The following AHNAK variants were observed in gnomAD, a reference collection of about 807,000 sequenced individuals.
AHNAK encodes the protein neuroblast differentiation-associated protein AHNAK.
AHNAK carries 23 observed loss-of-function variants against 37.8 expected under a neutral mutation model. That is an observed-to-expected ratio of 0.61 (90% CI 0.44 to 0.86). The LOEUF (loss-of-function observed/expected upper bound fraction) is 0.86. AHNAK is among the 40% of genes least tolerant of loss of function. The pLI is 0.00. For missense variants in AHNAK, 7,411 were observed against 7,319.4 expected (o/e 1.01, Z -0.46); for synonymous variants, 2,481 against 2,636.3 (o/e 0.94, Z 1.80).
chr11:62,487,810 C>T (rs1002171919), intron 5 of AHNAK, among the ~76,000 whole-genome samples: 13 of 152,148 alleles, frequency 8.5e-5, no homozygotes, highest in Non-Finnish European at 1.0e-4. Flanking sequence ...AGCAGTACCC[C>T]CTTGAGAAGT....
At chr11:62,481,034 A>G (rs1170458451) in intron 5 of AHNAK, among the ~76,000 whole-genome samples, 1 of 151,394 alleles carries the variant, frequency 6.6e-6, no homozygotes, top group Non-Finnish European at 1.5e-5. Context: ...ATCCCTCTCC[A>G]GGAGATGACT....
chr11:62,504,625 C>T (rs1175725912), intron 4 of AHNAK, among the ~76,000 whole-genome samples: 1 of 152,014 alleles, frequency 6.6e-6, no homozygotes, highest in East Asian at 1.9e-4. Flanking sequence ...GGCAGCCACG[C>T]GCCCTTGAGG....
intron 4 of AHNAK, among the ~76,000 whole-genome samples, chr11:62,534,466 C>T (rs1024625635): frequency 6.6e-6 from 1 of 152,216 alleles, no homozygotes; most frequent in Non-Finnish European, 1.5e-5. Flanking sequence ...GGGGAATCTT[C>T]TCAGAGGCCC....
chr11:62,462,937 C>A (rs1938822513), intron 5 of AHNAK, among the ~76,000 whole-genome samples: 1 of 151,998 alleles, frequency 6.6e-6, no homozygotes, highest in South Asian at 2.1e-4. Context: ...TTGAGACCAG[C>A]CTGGTCAACA....
chr11:62,473,021 G>T (rs1022554528), intron 5 of AHNAK, among the ~76,000 whole-genome samples: 1 of 136,272 alleles, frequency 7.3e-6, no homozygotes. Flanking sequence ...GGAGGCAGAG[G>T]TTGCAGTGAG....
chr11:62,532,345 C>G lies in AHNAK; in HGVS notation c.2072G>C (p.Ser691Thr), dbSNP rs1473040779. ...KGPDVKLPDMSVKTPKISMPD... is the reference protein window; with the variant it reads ...KGPDVKLPDMTVKTPKISMPD... ...CATGGAGATCTTTGGTGTCTTGACA[C>G]TCATATCAGGCAGCTTAACATCGGG... is the stretch of plus-strand genomic sequence containing the variant. Residue 691 changes from serine to threonine, a missense_variant, in exon 5 of 5, where the codon AGT (serine) becomes ACT (threonine). Ser to Thr is a moderately conservative substitution (Grantham distance 58). Coordinates refer to ENST00000378024, the MANE Select transcript of AHNAK (RefSeq NM_001620.3). 4.3e-6 allele frequency: 7 copies of G among 1,614,066 alleles called. No homozygotes were observed. The highest frequency in any genetic ancestry group is 5.9e-6 in the Non-Finnish European group (7 of 1,180,048).
rs747445686 is a variant in AHNAK, at chr11:62,517,618, G to C, written c.16799C>G (p.Pro5600Arg). The change falls in exon 5 of 5, where the codon CCC (proline) becomes CGC (arginine). Residue 5600 changes from proline (P) to arginine (R), a missense_variant. Pro to Arg is a moderately radical substitution (Grantham distance 103). Coordinates refer to ENST00000378024, the MANE Select transcript of AHNAK (RefSeq NM_001620.3). ...CAAGTTGAGAGCAGAGGAGACTTGG[G>C]GTCCCTTCCACTCACCCCCGGAACC... ...VKGSGGEWKGPQVSSALNLDT... is the reference protein window; with the variant it reads ...VKGSGGEWKGRQVSSALNLDT... 1.7e-5 allele frequency: 28 copies of C among 1,613,930 alleles called. 1 individual carries two copies. In the South Asian group the frequency reaches 2.9e-4, roughly 16 times the overall value.
intron 4 of AHNAK, among the ~76,000 whole-genome samples, chr11:62,503,454 G>T (rs577117304): frequency 3.9e-5 from 6 of 152,002 alleles, no homozygotes; most frequent in African/African-American, 1.4e-4. Flanking sequence ...ATGGTGGCGG[G>T]CGCCTGTAAT....
Position 62,516,254 on chromosome 11 carries a change from T to G in AHNAK, c.*490A>C. ...CCTGACTACCACCACCTCTGGGCCA[T>G]CTGTGGGCGTTTGCTGTTTGAACAG... is the stretch of plus-strand genomic sequence containing the variant. On this transcript the variant is annotated 3_prime_UTR_variant, in exon 5 of 5. Coordinates refer to ENST00000378024, the MANE Select transcript of AHNAK (RefSeq NM_001620.3). 1 of 1,289,258 alleles carries G rather than the reference T, an allele frequency of 7.8e-7. No homozygotes were observed. Among genetic ancestry groups the G allele is most frequent in the Non-Finnish European group, 1.0e-6 (1 of 988,734 alleles). The allele number at this position is 1,289,258 out of a possible 1,614,324, so 79.9% of individuals were successfully genotyped here.
rs577292528 is a variant in AHNAK, at chr11:62,522,289, T to C, written c.12128A>G (p.Asp4043Gly). The C allele has an allele frequency of 6.2e-7, 1 of 1,613,558 alleles. No individual in the cohort carries two copies. Among genetic ancestry groups the C allele is most frequent in the South Asian group, 1.1e-5 (1 of 91,042 alleles). ...AACATCCACATCTGGGGCATCAATG[T>C]CCACTTTGGGGCCCTTGATGTCAAC... ...PEVDIKGPKV[D>G]IDAPDVDVHG... is the part of the protein sequence containing the mutation. Residue 4043 changes from aspartate (D) to glycine (G), a missense_variant, in exon 5 of 5, where the codon GAC becomes GGC. Physicochemically the swap from Asp to Gly is moderately conservative, Grantham distance 94. Coordinates refer to ENST00000378024, the MANE Select transcript of AHNAK (RefSeq NM_001620.3).
chr11:62,473,768 G>A (rs1939088401), intron 5 of AHNAK, among the ~76,000 whole-genome samples: 2 of 152,112 alleles, frequency 1.3e-5, no homozygotes, highest in African/African-American at 4.8e-5. Flanking sequence ...GGCTGAGGCT[G>A]GAGGATTGCT....
chr11:62,528,839 C>T lies in AHNAK; in HGVS notation c.5578G>A (p.Val1860Met), dbSNP rs748057733. Residue 1860 changes from valine (V) to methionine (M), a missense_variant, in exon 5 of 5, where the codon GTG (valine) becomes ATG (methionine). By Grantham distance (21) the Val-to-Met change is conservative. Coordinates refer to ENST00000378024, the MANE Select transcript of AHNAK (RefSeq NM_001620.3). ...FKAPKISMPD[V>M]DLHLKGPKVK... The stretch of plus-strand genomic sequence containing the variant: ...TTGGGGCCTTTCAGGTGTAAGTCCA[C>T]ATCAGGCATGGAGATCTTGGGGGCC... The T allele has an allele frequency of 6.2e-7, 1 of 1,613,428 alleles. No homozygotes were observed. The highest frequency in any genetic ancestry group is 1.1e-5 in the South Asian group (1 of 90,998).
At chr11:62,487,319 C>T (rs1025685079) in intron 5 of AHNAK, among the ~76,000 whole-genome samples, 5 of 152,222 alleles carry the variant, frequency 3.3e-5, no homozygotes, top group Admixed American at 1.3e-4. Context: ...CATGCCCCAA[C>T]GTAGAGTAGC....
Position 62,524,743 on chromosome 11 carries a change from T to C in AHNAK, c.9674A>G (p.Asp3225Gly), listed in dbSNP as rs963459522. 1 of 1,614,020 alleles carries C rather than the reference T, an allele frequency of 6.2e-7. No individual in the cohort carries two copies. The highest frequency in any genetic ancestry group is 8.5e-7 in the Non-Finnish European group (1 of 1,180,036). The change falls in exon 5 of 5, where the codon GAC becomes GGC. Residue 3225 changes from aspartate (D) to glycine (G), a missense_variant. Physicochemically the swap from Asp to Gly is moderately conservative, Grantham distance 94. Coordinates refer to ENST00000378024, the MANE Select transcript of AHNAK (RefSeq NM_001620.3). ...CATTTTAGGGCCTTTAAGATTGAGG[T>C]CCAAATCAGGCATTGATATTTTAGG... The part of the protein sequence containing the change: ...KAPKISMPDL[D>G]LNLKGPKMKG...
downstream of AHNAK, among the ~76,000 whole-genome samples, chr11:62,511,207 A>G (rs1350917783): frequency 2.6e-5 from 4 of 151,668 alleles, no homozygotes; most frequent in African/African-American, 7.3e-5. Flanking sequence ...GACCCCAAAC[A>G]ACCCACCCAC....
intron 5 of AHNAK, among the ~76,000 whole-genome samples, chr11:62,454,117 AAAAG>A (rs1332128043): frequency 6.7e-6 from 1 of 149,672 alleles, no homozygotes; most frequent in Non-Finnish European, 1.5e-5. Flanking sequence ...AAAAAAAAAA[AAAAG>A]AAAGAAAATT....
In AHNAK at chr11:62,528,811, A is replaced by G. The variant is rs749984738; in HGVS notation, c.5606T>C (p.Val1869Ala). Residue 1869 changes from valine (V) to alanine (A), a missense_variant, in exon 5 of 5, where the codon GTC becomes GCC. Val to Ala is a moderately conservative substitution (Grantham distance 64). Coordinates refer to ENST00000378024, the MANE Select transcript of AHNAK (RefSeq NM_001620.3). The stretch of plus-strand genomic sequence containing the variant: ...CACCGACACATCCGCATCCCCTTTG[A>G]CTTTGGGGCCTTTCAGGTGTAAGTC... ...DVDLHLKGPK[V>A]KGDADVSVPK... 18 of 1,611,414 alleles carry G rather than the reference A, an allele frequency of 1.1e-5. No homozygotes were observed. The highest frequency in any genetic ancestry group is 1.4e-5 in the Non-Finnish European group (17 of 1,179,370).
In AHNAK at chr11:62,522,512, C is replaced by A. The variant is rs1302219978; in HGVS notation, c.11905G>T (p.Asp3969Tyr). ...ADLDVSGPKVDVDVPDVNIEG... is the reference protein window; with the variant it reads ...ADLDVSGPKVYVDVPDVNIEG... Reference sequence around the variant, plus strand: ...ATATTCACATCTGGAACATCAACGTCCACCTTGGGTCCTGAGACGTCAAGG... The same window carrying A: ...ATATTCACATCTGGAACATCAACGTACACCTTGGGTCCTGAGACGTCAAGG... The change falls in exon 5 of 5, where the codon GAC becomes TAC. Residue 3969 changes from aspartate to tyrosine, a missense_variant. Asp to Tyr is a radical substitution (Grantham distance 160, BLOSUM62 -3). Coordinates refer to ENST00000378024, the MANE Select transcript of AHNAK (RefSeq NM_001620.3). The A allele has an allele frequency of 6.2e-7, 1 of 1,613,782 alleles. No homozygotes were observed. The highest frequency in any genetic ancestry group is 1.1e-5 in the South Asian group (1 of 91,056).
intron 5 of AHNAK, among the ~76,000 whole-genome samples, chr11:62,469,364 C>T (rs530011425): frequency 1.2e-4 from 18 of 149,222 alleles, no homozygotes; most frequent in Non-Finnish European, 2.4e-4. Flanking sequence ...TCAAGTGATC[C>T]ACCTGCCTCA....
Sources: gnomAD v4.1 joint callset for allele counts (sites outside exome capture counted in the v4.1 genomes callset) on GRCh38, gnomAD v4.1.1 for gene constraint, MANE v1.5 for transcripts, NCBI Gene and HGNC (gene_info 2026-07-23, HGNC 2026-07-21) for gene names.